The following NEK7 variants were observed in gnomAD, a reference collection of about 807,000 sequenced individuals.
The protein encoded by NEK7 is serine/threonine-protein kinase Nek7.
Under a neutral mutation model 44.6 loss-of-function variants are expected in NEK7, and 18 were observed. The ratio of observed to expected loss-of-function variants is 0.40; its 90% CI spans 0.28 to 0.60. The LOEUF is 0.60. NEK7 is among the 20% of genes least tolerant of loss of function. The probability of loss-of-function intolerance (pLI) is 0.38; values close to 1 mark genes in which losing one functional copy is unlikely to be tolerated. For missense variants in NEK7, 256 were observed against 366.5 expected, an observed-to-expected ratio of 0.70 and a Z score of 2.46; for synonymous variants, 130 against 121.1, an observed-to-expected ratio of 1.07 and a Z score of -0.48.
intron 1 of NEK7, among the ~76,000 whole-genome samples, chr1:198,183,665 A>G (rs576034402): frequency 6.6e-6 from 1 of 152,228 alleles, no homozygotes; most frequent in East Asian, 1.9e-4. Context: ...CTAAATTAGC[A>G]TTTAGAGGCA....
At chr1:198,263,455 A>T (rs1653546656) in intron 4 of NEK7, among the ~76,000 whole-genome samples, 1 of 151,946 alleles carries the variant, frequency 6.6e-6, no homozygotes, top group Admixed American at 6.6e-5. Context: ...GAAGAAAGTC[A>T]CCCATACTTT....
chr1:198,190,621 T>A (rs1360264479), intron 1 of NEK7, among the ~76,000 whole-genome samples: 1 of 152,054 alleles, frequency 6.6e-6, no homozygotes, highest in East Asian at 1.9e-4. Flanking sequence ...TGTGACTCAT[T>A]CTGGTCCTAG....
chr1:198,246,353 C>T (rs191852882), intron 2 of NEK7, among the ~76,000 whole-genome samples: 258 of 152,304 alleles, frequency 1.7e-3, no homozygotes, highest in Middle Eastern at 6.8e-3. Context: ...TGTCACTCAC[C>T]CACACTGCCC....
At chr1:198,223,657 C>T (rs1352931828) in intron 1 of NEK7, among the ~76,000 whole-genome samples, 1 of 152,148 alleles carries the variant, frequency 6.6e-6, no homozygotes, top group East Asian at 1.9e-4. Context: ...AACAAACTGC[C>T]TATCCTTTAA....
chr1:198,275,084 C>G (rs1457216772), intron 5 of NEK7, among the ~76,000 whole-genome samples: 2 of 151,192 alleles, frequency 1.3e-5, no homozygotes, highest in African/African-American at 4.8e-5. Flanking sequence ...TTTGTCACAT[C>G]TGATTTTTCT....
chr1:198,314,226 G>C (rs1312061630), intron 9 of NEK7, among the ~76,000 whole-genome samples: 2 of 151,878 alleles, frequency 1.3e-5, no homozygotes, highest in Non-Finnish European at 2.9e-5. Context: ...TGATTGCATT[G>C]GCTCCTGAGG....
intron 1 of NEK7, chr1:198,206,807 C>T (rs1255485363): frequency 1.3e-5 from 2 of 152,082 alleles, no homozygotes; most frequent in Non-Finnish European, 2.9e-5. Flanking sequence ...ATATGTTATG[C>T]ATTTTTCAGT....
chr1:198,310,895 C>T lies in NEK7; in HGVS notation c.799-8517C>T, dbSNP rs60529620. On this transcript the variant is annotated intron_variant, in intron 9 of 9. Transcript: ENST00000367385. ...GTGATGCCTCCAGCTTTGTTCTTTT[C>T]GCTTAGGATTGACTTGGCGATGCGG... 7.4e-4 allele frequency among the ~76,000 whole-genome samples: 108 copies of T among 145,316 alleles called. 2 individuals are homozygous for T. Among genetic ancestry groups the T allele is most frequent in the Middle Eastern group, 7.0e-3 (2 of 284 alleles).
chr1:198,164,336 T>C (rs1198127587), intron 1 of NEK7, among the ~76,000 whole-genome samples: 2 of 152,214 alleles, frequency 1.3e-5, no homozygotes, highest in African/African-American at 4.8e-5. Context: ...GCCACTGCTC[T>C]GGTCAAGACA....
chr1:198,177,572 A>C (rs184672976), intron 1 of NEK7, among the ~76,000 whole-genome samples: 15 of 152,246 alleles, frequency 9.9e-5, no homozygotes, highest in Admixed American at 3.3e-4. Flanking sequence ...AAAAGCATTG[A>C]AATGCTTTTT....
chr1:198,265,304 A>G (rs1177208377), intron 5 of NEK7, among the ~76,000 whole-genome samples: 1 of 152,148 alleles, frequency 6.6e-6, no homozygotes, highest in Non-Finnish European at 1.5e-5. Flanking sequence ...TTCTGTTACT[A>G]TGGAAGACAA....
chr1:198,296,020 G>A (rs1339305610), intron 8 of NEK7, among the ~76,000 whole-genome samples: 1 of 152,000 alleles, frequency 6.6e-6, no homozygotes, highest in African/African-American at 2.4e-5. Context: ...TTCCAGTTTT[G>A]ATTTCCAATC....
chr1:198,209,045 A>G lies in NEK7; in HGVS notation c.-28-23508A>G, dbSNP rs1363998911. Among the ~76,000 whole-genome samples the G allele has an allele frequency of 7.5e-4, 79 of 104,776 alleles. 1 individual carries two copies. The highest frequency in any genetic ancestry group is 3.5e-3 in the South Asian group (9 of 2,594). The allele number at this position is 104,776 out of a possible 152,430, so 68.7% of individuals were successfully genotyped here. ...AGCATATATGTGTGTGTGTATATAT[A>G]TATATATATATATACACACACACAT... On this transcript the variant is annotated intron_variant, in intron 1 of 9. Coordinates refer to ENST00000367385, the MANE Select transcript of NEK7 (RefSeq NM_133494.3).
intron 1 of NEK7, among the ~76,000 whole-genome samples, chr1:198,164,971 A>G (rs1261441588): frequency 6.6e-6 from 1 of 152,234 alleles, no homozygotes; most frequent in Non-Finnish European, 1.5e-5. Context: ...CATTTTAGCC[A>G]TGTTCACAGC....
chr1:198,262,675 G>A, intron 4 of NEK7, 38 bp downstream of exon 4: 3 of 1,217,502 alleles, frequency 2.5e-6, no homozygotes, highest in South Asian at 1.4e-5. Flanking sequence ...AACATAACAT[G>A]GTGATAAAAG....
At chr1:198,209,155 T>TC (rs1475687897) in intron 1 of NEK7, among the ~76,000 whole-genome samples, 1 of 147,102 alleles carries the variant, frequency 6.8e-6, no homozygotes, top group African/African-American at 2.5e-5. Context: ...TATATATACT[T>TC]TTTTTTTTTT....
At position 198,206,204 on chromosome 1, in the gene NEK7, G is replaced by A. The variant is rs559225157; in HGVS notation, c.-28-26349G>A. On this transcript the variant is annotated intron_variant, in intron 1 of 9. Transcript: ENST00000367385. Reference sequence around the variant, plus strand: ...TTAAATGTCAGAATTAAGTCATAAGGCAGAATCAAAATATTAGGTAACAGA... The same window carrying A: ...TTAAATGTCAGAATTAAGTCATAAGACAGAATCAAAATATTAGGTAACAGA... Among the ~76,000 whole-genome samples the A allele has an allele frequency of 7.2e-5, 11 of 152,142 alleles. No homozygotes were observed. In the South Asian group the frequency reaches 1.9e-3, roughly 26 times the overall value.
intron 1 of NEK7, among the ~76,000 whole-genome samples, chr1:198,176,041 T>C (rs1664595420): frequency 6.6e-6 from 1 of 152,222 alleles, no homozygotes; most frequent in Admixed American, 6.5e-5. Context: ...ATATGTTGTC[T>C]TTAATCGAAA....
At chr1:198,300,521 A>G (rs1571615104) in intron 9 of NEK7, among the ~76,000 whole-genome samples, 1 of 152,160 alleles carries the variant, frequency 6.6e-6, no homozygotes, top group East Asian at 1.9e-4. Context: ...TTTCCTGCAC[A>G]GTTTTCCCTG....
Sources: allele counts gnomAD v4.1 joint callset (sites outside exome capture counted in the v4.1 genomes callset), GRCh38; gene constraint gnomAD v4.1.1; transcripts MANE v1.5; gene names NCBI Gene and HGNC (gene_info 2026-07-23, HGNC 2026-07-21).